The following RBFOX1 variants were observed in gnomAD, a reference collection of about 807,000 sequenced individuals.
The protein encoded by RBFOX1 is RNA binding fox-1 homolog 1, also known as RNA binding protein fox-1 homolog 1.
In RBFOX1, 8 loss-of-function variants were observed where a neutral mutation model predicts 57.7. The observed-to-expected ratio is 0.14, with a 90% CI of 0.08 to 0.25. The LOEUF is 0.25. RBFOX1 is among the 10% of genes least tolerant of loss of function. The pLI is 1.00. For synonymous variants in RBFOX1, 326 were observed against 222.4 expected, an observed-to-expected ratio of 1.47 and a Z score of -4.15; for missense variants, 611 against 548.5, an observed-to-expected ratio of 1.11 and a Z score of -1.14.
At chr16:5,558,488 C>A (rs553533900) in intron 2 of RBFOX1, among the ~76,000 whole-genome samples, 87 of 152,230 alleles carry the variant, frequency 5.7e-4, no homozygotes, top group Non-Finnish European at 9.6e-4. Flanking sequence ...GGGAACTCTC[C>A]CATTTCACTT....
At chr16:5,903,174 A>C (rs772463684) in intron 4 of RBFOX1, among the ~76,000 whole-genome samples, 3 of 152,096 alleles carry the variant, frequency 2.0e-5, no homozygotes, top group Non-Finnish European at 4.4e-5. Flanking sequence ...TATGTTCTGC[A>C]CTGGAAAATG....
intron 4 of RBFOX1, among the ~76,000 whole-genome samples, chr16:7,120,830 TACACACACAC>T (rs397836603): frequency 0.011 from 956 of 86,590 alleles, 6 homozygotes; most frequent in African/African-American, 0.036. Flanking sequence ...TATGTATATA[TACACACACAC>T]ACACACACAC....
intron 4 of RBFOX1, among the ~76,000 whole-genome samples, chr16:7,387,628 G>A (rs929368028): frequency 6.6e-5 from 10 of 152,090 alleles, no homozygotes; most frequent in East Asian, 1.9e-4. Context: ...TGCAAAAGCC[G>A]CTGTGTGTTT....
intron 1 of RBFOX1, among the ~76,000 whole-genome samples, chr16:5,280,915 TC>T (rs2151147273): frequency 6.7e-6 from 1 of 149,866 alleles, no homozygotes; most frequent in South Asian, 2.1e-4. Flanking sequence ...TATTTGCATT[TC>T]TTTTTTGTCT....
intron 1 of RBFOX1, among the ~76,000 whole-genome samples, chr16:6,062,879 T>A (rs1370495910): frequency 6.6e-6 from 1 of 152,000 alleles, no homozygotes; most frequent in African/African-American, 2.4e-5. Flanking sequence ...TAGTCTTGAG[T>A]CTGAAATCTG....
At chr16:6,927,004 T>C (rs2075710342) in intron 3 of RBFOX1, among the ~76,000 whole-genome samples, 2 of 152,116 alleles carry the variant, frequency 1.3e-5, no homozygotes, top group Admixed American at 1.3e-4. Context: ...GTCAAGCAAT[T>C]GCTACTCAAC....
chr16:5,733,821 G>T (rs535859674), intron 3 of RBFOX1, among the ~76,000 whole-genome samples: 5 of 149,656 alleles, frequency 3.3e-5, no homozygotes, highest in African/African-American at 7.4e-5. Flanking sequence ...TCCCATCCGC[G>T]TCCATGCTGA....
chr16:6,961,355 C>A (rs567311383), intron 3 of RBFOX1, among the ~76,000 whole-genome samples: 4 of 152,208 alleles, frequency 2.6e-5, no homozygotes, highest in East Asian at 3.9e-4. Flanking sequence ...CACTCCAGAC[C>A]GTGTTCAAAC....
chr16:5,637,932 T>C (rs1175607187), intron 3 of RBFOX1, among the ~76,000 whole-genome samples: 1 of 152,182 alleles, frequency 6.6e-6, no homozygotes, highest in Non-Finnish European at 1.5e-5. Flanking sequence ...AGCCTTCTTT[T>C]GAAAAATGCC....
intron 2 of RBFOX1, among the ~76,000 whole-genome samples, chr16:6,480,242 A>G (rs1372521623): frequency 6.6e-6 from 1 of 152,218 alleles, no homozygotes; most frequent in African/African-American, 2.4e-5. Flanking sequence ...TATAACATAT[A>G]GAGTATATAT....
At chr16:7,366,827 C>G (rs977624116) in intron 4 of RBFOX1, among the ~76,000 whole-genome samples, 24 of 152,248 alleles carry the variant, frequency 1.6e-4, no homozygotes, top group Admixed American at 5.9e-4. Context: ...TAGGAGACAT[C>G]AGGCAGAGAC....
intron 1 of RBFOX1, among the ~76,000 whole-genome samples, chr16:5,357,593 T>A (rs1020590144): frequency 6.6e-6 from 1 of 152,152 alleles, no homozygotes; most frequent in South Asian, 2.1e-4. Flanking sequence ...CAGGTCCAGG[T>A]AGGTTATGTG....
chr16:7,002,261 C>A (rs1313037613), intron 3 of RBFOX1, among the ~76,000 whole-genome samples: 2 of 152,174 alleles, frequency 1.3e-5, no homozygotes, highest in African/African-American at 2.4e-5. Flanking sequence ...TGAAGTTAAT[C>A]TATCTACTTT....
chr16:5,897,016 C>CTTTTTTT lies in RBFOX1; in HGVS notation c.351+29705_351+29711dup, dbSNP rs575235024. On this transcript the variant is annotated intron_variant, in intron 4 of 19. Coordinates refer to the RBFOX1 transcript ENST00000641259. ...CCCCCACTAAAAATGTATCCATCCG[C>CTTTTTTT]TTTTTTTTTTTTTTTTTTTTTTTTT... Among the ~76,000 whole-genome samples, 58 of 56,464 alleles carry CTTTTTTT rather than the reference C, an allele frequency of 1.0e-3. 8 individuals carry two copies. The highest frequency in any genetic ancestry group is 2.7e-3 in the East Asian group (4 of 1,506). The allele number at this position is 56,464 out of a possible 152,430, so 37.0% of individuals were successfully genotyped here.
intron 3 of RBFOX1, among the ~76,000 whole-genome samples, chr16:7,019,220 G>A (rs984397122): frequency 3.9e-5 from 6 of 152,028 alleles, no homozygotes; most frequent in African/African-American, 1.4e-4. Flanking sequence ...ATATTAGGTG[G>A]TTTGGTGTGT....
intron 3 of RBFOX1, among the ~76,000 whole-genome samples, chr16:6,775,141 T>G (rs1232587897): frequency 7.0e-6 from 1 of 142,144 alleles, no homozygotes; most frequent in Non-Finnish European, 1.5e-5. Flanking sequence ...CTGGCGAACA[T>G]GGTGAAACCC....
intron 3 of RBFOX1, among the ~76,000 whole-genome samples, chr16:5,617,235 G>A (rs57706810): frequency 1.3e-5 from 2 of 152,050 alleles, no homozygotes. Flanking sequence ...TTAGCACATG[G>A]CATTCCTCTA....
intron 4 of RBFOX1, among the ~76,000 whole-genome samples, chr16:5,950,852 G>C (rs1288860841): frequency 6.6e-6 from 1 of 152,122 alleles, no homozygotes; most frequent in South Asian, 2.1e-4. Flanking sequence ...AGTGGTCCAA[G>C]TGCCAGGAGA....
intron 2 of RBFOX1, among the ~76,000 whole-genome samples, chr16:6,495,051 T>C (rs2095729832): frequency 1.3e-5 from 2 of 152,182 alleles, no homozygotes; most frequent in African/African-American, 4.8e-5. Flanking sequence ...CACTTAGAGG[T>C]AGTCGGTCTG....
Sources: gnomAD v4.1 joint callset for allele counts (sites outside exome capture counted in the v4.1 genomes callset) on GRCh38, gnomAD v4.1.1 for gene constraint, MANE v1.5 for transcripts, NCBI Gene and HGNC (gene_info 2026-07-23, HGNC 2026-07-21) for gene names.